NEB: variants seen among roughly 807,000 people sequenced by gnomAD.
NEB encodes nemaline myopathy type 2.
NEB carries 512 observed loss-of-function variants against 952.2 expected under a neutral mutation model. The observed-to-expected ratio is 0.54, with a 90% CI of 0.50 to 0.58. NEB has a LOEUF of 0.58. NEB is among the 20% of genes least tolerant of loss of function. The pLI, the probability that NEB is intolerant of heterozygous loss-of-function variation, is 0.00. For synonymous variants in NEB, 2,900 were observed against 3,149.8 expected, an observed-to-expected ratio of 0.92 and a Z score of 2.66; for missense variants, 8,428 against 9,231.1, an observed-to-expected ratio of 0.91 and a Z score of 3.56.
intron 143 of NEB, chr2:151,532,198 G>T: frequency 4.4e-6 from 1 of 227,918 alleles, no homozygotes; most frequent in Non-Finnish European, 8.7e-6. Context: ...CCAGATTCAA[G>T]CAATTCTTCT....
chr2:151,727,632 T>A, intron 5 of NEB, 59 bp downstream of exon 5: 1 of 1,506,124 alleles, frequency 6.6e-7, no homozygotes, highest in South Asian at 1.2e-5. Flanking sequence ...ACAGAGTGAG[T>A]TGAGATAAGT....
rs561708515 is a variant in NEB, at chr2:151,656,290, G to T, written c.6358C>A (p.Leu2120Ile). 6.2e-7 allele frequency: 1 copy of T among 1,613,690 alleles called. No individual in the cohort carries two copies. Among genetic ancestry groups the T allele is most frequent in the South Asian group, 1.1e-5 (1 of 91,066 alleles). Residue 2120 changes from leucine (L) to isoleucine (I), a missense_variant, in exon 49 of 182, where the codon CTC (leucine) becomes ATC (isoleucine). Around this residue, in one of 11 missense-constraint regions of NEB, gnomAD observed 2,851 missense variants for 2,791.5 expected, o/e 1.02. Transcript: ENST00000397345. ...GCATCCTTTGCAGCCGTGACACTGA[G>T]CATGTCGGCAGGGGTGTGGTAGCTG... ...KTSYHTPADM[L>I]SVTAAKDAQA...
In NEB at chr2:151,639,747, A is replaced by G. The variant is rs965958769; in HGVS notation, c.8889+110T>C. 5 of 902,750 alleles carry G rather than the reference A, an allele frequency of 5.5e-6. No individual in the cohort carries two copies. In the Admixed American group the frequency reaches 1.0e-4, roughly 18 times the overall value. The allele number at this position is 902,750 out of a possible 1,614,324, so 55.9% of individuals were successfully genotyped here. On this transcript the variant is annotated intron_variant, in intron 62 of 181. Transcript: ENST00000397345. The stretch of plus-strand genomic sequence containing the variant: ...GAGAAGCCAATAGATACATAGACAG[A>G]TAGATAGATGCCTTTTATTACTCAA...
At chr2:151,702,727 T>G (rs1480101563) in intron 13 of NEB, among the ~76,000 whole-genome samples, 1 of 152,194 alleles carries the variant, frequency 6.6e-6, no homozygotes, top group African/African-American at 2.4e-5. Context: ...TTGGTAGATC[T>G]TCCACCATCC....
At chr2:151,489,428 T>G (rs1464402776) in intron 181 of NEB, among the ~76,000 whole-genome samples, 1 of 152,212 alleles carries the variant, frequency 6.6e-6, no homozygotes, top group Admixed American at 6.5e-5. Context: ...AGACAGGGTC[T>G]CCCTCTGTCA....
At chr2:151,578,639 G>GAAGGAGGGAAGGAGGGAAAGAGAC (rs1049293325) in intron 105 of NEB, among the ~76,000 whole-genome samples, 13 of 151,380 alleles carry the variant, frequency 8.6e-5, no homozygotes, top group Non-Finnish European at 1.8e-4. Context: ...CAGGGCAAGG[G>GAAGGAGGGAAGGAGGGAAAGAGAC]AAGGAGGGAA....
intron 13 of NEB, among the ~76,000 whole-genome samples, chr2:151,706,193 C>T (rs1404507306): frequency 6.6e-6 from 1 of 152,228 alleles, no homozygotes. Flanking sequence ...ACCACACACA[C>T]ATATTTCCTA....
chr2:151,637,346 AG>A (rs1466403347), intron 63 of NEB, among the ~76,000 whole-genome samples: 45 of 152,252 alleles, frequency 3.0e-4, no homozygotes, highest in Non-Finnish European at 5.6e-4. Context: ...ACCACTGTGG[AG>A]GGGAAGCGGA....
rs2099169323 is a variant in NEB at position 151,663,453 on chromosome 2, A to G, written c.5763+95T>C. On this transcript the variant is annotated intron_variant, in intron 45 of 181. Transcript: ENST00000397345. ...CACTATGTTGGGAAATTGCAGATGA[A>G]TTTCTTTCAGGATTTTCAAAACGTC... The G allele has an allele frequency of 2.4e-6, 3 of 1,261,764 alleles. No homozygotes were observed. In the East Asian group the frequency reaches 7.2e-5, roughly 30 times the overall value. The allele number at this position is 1,261,764 out of a possible 1,614,324, so 78.2% of individuals were successfully genotyped here. A position where few individuals can be genotyped will look rare whatever the true frequency, so the allele number is the denominator to read the frequency against.
Position 151,654,080 on chromosome 2 carries a change from C to A in NEB, c.6827G>T (p.Trp2276Leu), listed in dbSNP as rs373246130. ...ATAGCCTTTCTTCAAAGCTTCTTCCCATCCAAGTTTATAGAGTTTCTGAAA... is the reference window on the plus strand; with the variant it reads ...ATAGCCTTTCTTCAAAGCTTCTTCCAATCCAAGTTTATAGAGTTTCTGAAA... ...LYSQKLYKLG[W>L]EEALKKGYDL... The change falls in exon 52 of 182, where the codon TGG becomes TTG. Residue 2276 changes from tryptophan to leucine, a missense_variant. By Grantham distance (61) the Trp-to-Leu change is moderately conservative. Around this residue, in one of 11 missense-constraint regions of NEB, gnomAD observed 2,851 missense variants for 2,791.5 expected, o/e 1.02. Transcript: ENST00000397345. 8.7e-6 allele frequency: 14 copies of A among 1,606,422 alleles called. No homozygotes were observed. The African/African-American group carries it at 1.7e-4, about 20-fold the overall frequency.
rs939031048 is a variant in NEB at position 151,542,193 on chromosome 2, T to C, written c.20578-642A>G. On this transcript the variant is annotated intron_variant, in intron 135 of 181. Transcript: ENST00000397345. ...TTCCATTCAACCATTCTTCCCTAGGTGGCTTCCTGTCTTTTAGACCTCCTC... is the reference window on the plus strand; with the variant it reads ...TTCCATTCAACCATTCTTCCCTAGGCGGCTTCCTGTCTTTTAGACCTCCTC... Among the ~76,000 whole-genome samples the C allele has an allele frequency of 5.3e-5, 8 of 152,288 alleles. No individual in the cohort carries two copies. The East Asian group carries it at 1.5e-3, about 29-fold the overall frequency.
chr2:151,551,616 A>T, intron 129 of NEB, 122 bp downstream of exon 129: 1 of 737,288 alleles, frequency 1.4e-6, no homozygotes, highest in Non-Finnish European at 2.3e-6. Flanking sequence ...TTGTTTTTTC[A>T]CCTCATGTGA....
At chr2:151,525,405 C>G in intron 150 of NEB, 132 bp from the exon 151 acceptor site, 1 of 655,046 alleles carries the variant, frequency 1.5e-6, no homozygotes, top group South Asian at 1.9e-5. Context: ...TAGATAAGAC[C>G]CATATTCTAG....
Position 151,494,148 on chromosome 2 carries a change from C to G in NEB, c.24579+13G>C. The G allele has an allele frequency of 6.3e-7, 1 of 1,591,084 alleles. No individual in the cohort carries two copies. Among genetic ancestry groups the G allele is most frequent in the South Asian group, 1.1e-5 (1 of 87,976 alleles). On this transcript the variant is annotated intron_variant, in intron 174 of 181. Coordinates refer to ENST00000397345, the MANE Select transcript of NEB (RefSeq NM_001164508.2). ...TGCAAAATTAAAAGCACTTTTGTTT[C>G]TCAAGACAATACCGAGCTAATGTTT...
At chr2:151,552,432 A>G (rs1012749717) in intron 128 of NEB, among the ~76,000 whole-genome samples, 3 of 152,186 alleles carry the variant, frequency 2.0e-5, no homozygotes, top group African/African-American at 4.8e-5. Flanking sequence ...TGGAAGTGCT[A>G]AGGCACAAAG....
intron 143 of NEB, among the ~76,000 whole-genome samples, chr2:151,533,125 AATCTCT>A (rs1209334833): frequency 6.6e-6 from 1 of 152,332 alleles, no homozygotes; most frequent in East Asian, 1.9e-4. Flanking sequence ...TACTATCTTC[AATCTCT>A]AAGGAATCTA....
intron 5 of NEB, among the ~76,000 whole-genome samples, chr2:151,727,098 A>C (rs2099793869): frequency 6.6e-6 from 1 of 152,066 alleles, no homozygotes; most frequent in African/African-American, 2.4e-5. Context: ...AACTCTGAAC[A>C]AATTAAACTA....
At chr2:151,544,107 G>A (rs993278192) in intron 135 of NEB, among the ~76,000 whole-genome samples, 2 of 152,126 alleles carry the variant, frequency 1.3e-5, no homozygotes, top group Non-Finnish European at 2.9e-5. Flanking sequence ...ATTTTATCAA[G>A]CCTGGGTCAT....
rs369083039 is a variant in NEB at position 151,493,408 on chromosome 2, G to A, written c.24710C>T (p.Thr8237Ile). The change falls in exon 176 of 182, where the codon ACA (threonine) becomes ATA (isoleucine). Residue 8237 changes from threonine to isoleucine, a missense_variant. This residue lies in a region of NEB where 3,374 missense variants were observed against 3,651.5 expected (regional missense o/e 0.92). Coordinates refer to ENST00000397345, the MANE Select transcript of NEB (RefSeq NM_001164508.2). Reference protein sequence around the residue: ...YKENMRKATPTPVTPEMERAK... With the variant: ...YKENMRKATPIPVTPEMERAK... ...TCTCTCCATCTCTGGAGTAACAGGT[G>A]TCGGAGTTGCTTTTCTCATGTTCTC... The A allele has an allele frequency of 9.9e-6, 16 of 1,609,040 alleles. No homozygotes were observed. The highest frequency in any genetic ancestry group is 1.2e-5 in the Non-Finnish European group (14 of 1,178,492).
Sources: gnomAD v4.1 joint callset for allele counts (sites outside exome capture counted in the v4.1 genomes callset) on GRCh38, gnomAD v4.1.1 for gene constraint, gnomAD v4.1.1 regional missense constraint, MANE v1.5 for transcripts, NCBI Gene and HGNC (gene_info 2026-07-23, HGNC 2026-07-21) for gene names.